SPATC1: variants seen among roughly 807,000 people sequenced by gnomAD.
The protein encoded by SPATC1 is spermatogenesis and centriole associated 1, also known as speriolin.
A neutral mutation model predicts 36.5 loss-of-function variants in SPATC1; 35 were observed. The observed-to-expected ratio is 0.96, with a 90% CI of 0.73 to 1.27. SPATC1 has a LOEUF of 1.27. Ranked by LOEUF, SPATC1 falls within the 50% of genes most tolerant of loss-of-function variation. The pLI is 0.00. For synonymous variants in SPATC1, 361 were observed against 353.6 expected, an observed-to-expected ratio of 1.02 and a Z score of -0.24; for missense variants, 779 against 796.0, an observed-to-expected ratio of 0.98 and a Z score of 0.26.
intron 1 of SPATC1, among the ~76,000 whole-genome samples, chr8:144,035,982 C>T (rs1377781767): frequency 6.6e-6 from 1 of 152,288 alleles, no homozygotes; most frequent in South Asian, 2.1e-4. Context: ...TGCAGCCCAT[C>T]CCTCTGTCTG....
chr8:144,016,864 C>A lies in SPATC1; in HGVS notation c.211+4138C>A, dbSNP rs1834404588. ...GTTGGTCTCATGTCGGCCTCAAACTCCCGACTTCAGGTGATCCGCCCACCT... is the reference window on the plus strand; with the variant it reads ...GTTGGTCTCATGTCGGCCTCAAACTACCGACTTCAGGTGATCCGCCCACCT... On this transcript the variant is annotated intron_variant, in intron 1 of 4. Coordinates refer to ENST00000377470, the MANE Select transcript of SPATC1 (RefSeq NM_198572.3). The surrounding 1 kb of genome is among the most constrained non-coding windows in gnomAD (Gnocchi z 4.5). Among the ~76,000 whole-genome samples, 1 of 152,164 alleles carries A rather than the reference C, an allele frequency of 6.6e-6. No individual in the cohort carries two copies. The highest frequency in any genetic ancestry group is 2.1e-4 in the South Asian group (1 of 4,828).
In SPATC1 at chr8:144,046,689, C is replaced by T. The variant is rs1835271388; in HGVS notation, c.1509C>T (p.Arg503=). 3 of 1,612,488 alleles carry T rather than the reference C, an allele frequency of 1.9e-6. No homozygotes were observed. Among genetic ancestry groups the T allele is most frequent in the Non-Finnish European group, 2.5e-6 (3 of 1,179,968 alleles). The change falls in exon 5 of 5, where the codon CGC becomes CGT. Residue 503 remains arginine (R), a synonymous_variant. Coordinates refer to ENST00000377470, the MANE Select transcript of SPATC1 (RefSeq NM_198572.3). The surrounding 1 kb of genome is among the most constrained non-coding windows in gnomAD (Gnocchi z 6.6). ...DEKLCQRLTQ[R]YVSVMNRLQS... is the part of the protein sequence containing the mutation. Reference sequence around the variant, plus strand: ...AGCTGTGCCAGAGGCTCACACAGCGCTATGTGAGCGTCATGAACAGGCTGC... The same window carrying T: ...AGCTGTGCCAGAGGCTCACACAGCGTTATGTGAGCGTCATGAACAGGCTGC...
rs1564278881 is a variant in SPATC1, at chr8:144,040,743, G to A, written c.942G>A (p.Gln314=). 6.2e-7 allele frequency: 1 copy of A among 1,612,710 alleles called. No individual in the cohort carries two copies. Among genetic ancestry groups the A allele is most frequent in the Non-Finnish European group, 8.5e-7 (1 of 1,179,600 alleles). ...SDTQAQPSAA[Q]EQVVPASVPT... Reference sequence around the variant, plus strand: ...CACAGGCCCAGCCCAGTGCCGCCCAGGAACAAGTGGTCCCTGCATCTGTCC... The same window carrying A: ...CACAGGCCCAGCCCAGTGCCGCCCAAGAACAAGTGGTCCCTGCATCTGTCC... Residue 314 remains glutamine (Q), a synonymous_variant, in exon 3 of 5, where the codon CAG becomes CAA. Coordinates refer to ENST00000377470, the MANE Select transcript of SPATC1 (RefSeq NM_198572.3).
rs1180117581 is a variant in SPATC1, at chr8:144,045,993, G to T, written c.1447-634G>T. On this transcript the variant is annotated intron_variant, in intron 4 of 4. Transcript: ENST00000377470. The surrounding 1 kb of genome is among the most constrained non-coding windows in gnomAD (Gnocchi z 5.2). ...AGTGGAAACTGACCCAGATGTGCTGGTTCCCAGGCCCTGGCCCTGGCCCCA... is the reference window on the plus strand; with the variant it reads ...AGTGGAAACTGACCCAGATGTGCTGTTTCCCAGGCCCTGGCCCTGGCCCCA... 6.6e-6 allele frequency among the ~76,000 whole-genome samples: 1 copy of T among 152,180 alleles called. No homozygotes were observed. The highest frequency in any genetic ancestry group is 1.9e-4 in the East Asian group (1 of 5,182).
rs546423561 is a variant in SPATC1 at position 144,041,113 on chromosome 8, T to A, written c.1306+6T>A. 38 of 1,578,694 alleles carry A rather than the reference T, an allele frequency of 2.4e-5. 1 individual carries two copies. In the South Asian group the frequency reaches 4.4e-4, roughly 18 times the overall value. ...GTTCCCCGAGAACCCCCGAGGTCAG[T>A]GACACTGCGGGCTCCACGCGGGTCG... On this transcript the variant is annotated splice_donor_region_variant and intron_variant, in intron 3 of 4. Transcript: ENST00000377470.
chr8:144,032,129 C>CACCA (rs1834810004), intron 1 of SPATC1, among the ~76,000 whole-genome samples: 1 of 152,014 alleles, frequency 6.6e-6, no homozygotes, highest in Admixed American at 6.6e-5. Flanking sequence ...TCCCAGAGGT[C>CACCA]TCTTAGGCTT....
At position 144,046,770 on chromosome 8, in the gene SPATC1, C is replaced by T. The variant is rs201199683; in HGVS notation, c.1590C>T (p.Asn530=). 2.7e-5 allele frequency: 43 copies of T among 1,611,102 alleles called. No homozygotes were observed. In the African/African-American group the frequency reaches 3.7e-4, roughly 14 times the overall value. The change falls in exon 5 of 5, where the codon AAC becomes AAT. Residue 530 remains asparagine, a synonymous_variant. Transcript: ENST00000377470. The surrounding 1 kb of genome is among the most constrained non-coding windows in gnomAD (Gnocchi z 6.6). ...VHPALTEQLV[N]AYGILRERPE... ...CTGCGCTGACCGAGCAGCTGGTGAA[C>T]GCTTATGGCATCCTGCGAGAGCGCC...
At position 144,041,346 on chromosome 8, in the gene SPATC1, C is replaced by G. The variant is rs1211199594; in HGVS notation, c.1421C>G (p.Ser474Cys). 2 of 1,611,296 alleles carry G rather than the reference C, an allele frequency of 1.2e-6. No individual in the cohort carries two copies. The highest frequency in any genetic ancestry group is 1.7e-6 in the Non-Finnish European group (2 of 1,180,008). Residue 474 changes from serine (S) to cysteine (C), a missense_variant, in exon 4 of 5, where the codon TCC (serine) becomes TGC (cysteine). By Grantham distance (112) the Ser-to-Cys change is moderately radical. Transcript: ENST00000377470. ...ERVRLYGFTV[S>C]NIPEKIIQAS... ...GTACGGCTCTACGGCTTCACTGTCTCCAACATCCCAGAGAAGATCATCCAG... is the reference window on the plus strand; with the variant it reads ...GTACGGCTCTACGGCTTCACTGTCTGCAACATCCCAGAGAAGATCATCCAG...
chr8:144,016,083 A>G lies in SPATC1; in HGVS notation c.211+3357A>G, dbSNP rs534968597. ...CTGTCTCAAAAAAAAAAAAAAGAAA[A>G]AAGAAAGAAAGAAAGAAAAGAAATT... is the stretch of plus-strand genomic sequence containing the variant. On this transcript the variant is annotated intron_variant, in intron 1 of 4. Coordinates refer to ENST00000377470, the MANE Select transcript of SPATC1 (RefSeq NM_198572.3). This position sits in a 1 kb window ranked among gnomAD's most constrained non-coding sequence, Gnocchi z 4.5. Among the ~76,000 whole-genome samples, 27 of 150,604 alleles carry G rather than the reference A, an allele frequency of 1.8e-4. No homozygotes were observed. The South Asian group carries it at 5.3e-3, about 29-fold the overall frequency.
rs781893550 is a variant in SPATC1, at chr8:144,040,939, C to G, written c.1138C>G (p.His380Asp). Residue 380 changes from histidine to aspartate, a missense_variant, in exon 3 of 5, where the codon CAC (histidine) becomes GAC (aspartate). Coordinates refer to ENST00000377470, the MANE Select transcript of SPATC1 (RefSeq NM_198572.3). ...CCCAACCCAGAACCTGCCTGTCCCCCACTGTCCTCCACACAACGCCCACTC... is the reference window on the plus strand; with the variant it reads ...CCCAACCCAGAACCTGCCTGTCCCCGACTGTCCTCCACACAACGCCCACTC... ...NSPTQNLPVP[H>D]CPPHNAHSPP... The G allele has an allele frequency of 1.2e-6, 2 of 1,603,500 alleles. No homozygotes were observed. Among genetic ancestry groups the G allele is most frequent in the African/African-American group, 1.3e-5 (1 of 74,586 alleles).
chr8:144,014,709 G>A (rs546259892), intron 1 of SPATC1, among the ~76,000 whole-genome samples: 39 of 152,154 alleles, frequency 2.6e-4, no homozygotes, highest in Non-Finnish European at 4.7e-4. Flanking sequence ...GGAAAGGAGC[G>A]TGCCACAAGT....
chr8:144,023,131 T>TC (rs1396977981), intron 1 of SPATC1, among the ~76,000 whole-genome samples: 1,940 of 113,744 alleles, frequency 0.017, 43 homozygotes, highest in African/African-American at 0.063. Context: ...CAGGACCCTC[T>TC]CCCCCCAGGA....
chr8:144,041,500 C>A, intron 4 of SPATC1, 129 bp downstream of exon 4: 1 of 1,222,742 alleles, frequency 8.2e-7, no homozygotes, highest in Non-Finnish European at 1.1e-6. Context: ...AAGCTGACTG[C>A]TCAGTGCCAA....
intron 1 of SPATC1, among the ~76,000 whole-genome samples, chr8:144,034,898 G>C (rs1228591782): frequency 6.6e-6 from 1 of 152,076 alleles, no homozygotes; most frequent in Non-Finnish European, 1.5e-5. Context: ...TGGGATTACA[G>C]GTGTGAAACA....
intron 1 of SPATC1, among the ~76,000 whole-genome samples, chr8:144,015,720 G>A (rs1325341513): frequency 3.2e-5 from 4 of 123,708 alleles, no homozygotes; most frequent in South Asian, 5.1e-4. Flanking sequence ...CAGCCTGGGC[G>A]ACTGAGTGAG....
Position 144,046,606 on chromosome 8 carries a change from T to C in SPATC1, c.1447-21T>C, listed in dbSNP as rs782167552. ...TGGAGGTGTGGCAAGGGAGGGTCCC[T>C]GATGGCCGCTGTCCCCACAGGCTTC... On this transcript the variant is annotated intron_variant, in intron 4 of 4. Transcript: ENST00000377470. The surrounding 1 kb of genome is among the most constrained non-coding windows in gnomAD (Gnocchi z 6.6). The C allele has an allele frequency of 3.1e-6, 5 of 1,593,582 alleles. No homozygotes were observed. The highest frequency in any genetic ancestry group is 4.3e-6 in the Non-Finnish European group (5 of 1,172,226).
At chr8:144,023,371 TTTCCCTA>T (rs1834592647) in intron 1 of SPATC1, among the ~76,000 whole-genome samples, 3 of 14,140 alleles carry the variant, frequency 2.1e-4, no homozygotes, top group African/African-American at 2.4e-4. Flanking sequence ...CTCAGAACCC[TTTCCCTA>T]AGGACCCTCT....
chr8:144,037,953 C>T (rs868982598), intron 1 of SPATC1, among the ~76,000 whole-genome samples: 2 of 151,216 alleles, frequency 1.3e-5, no homozygotes, highest in South Asian at 4.2e-4. Flanking sequence ...CACGGTGAAA[C>T]CCTGTCTCTC....
At chr8:144,030,021 T>C (rs1178938888) in intron 1 of SPATC1, among the ~76,000 whole-genome samples, 2 of 152,252 alleles carry the variant, frequency 1.3e-5, no homozygotes, top group African/African-American at 4.8e-5. Flanking sequence ...TTTATTGTAC[T>C]GAAACTTTTA....
Sources: allele counts gnomAD v4.1 joint callset (sites outside exome capture counted in the v4.1 genomes callset), GRCh38; gene constraint gnomAD v4.1.1; non-coding constraint Gnocchi (gnomAD v3.1); transcripts MANE v1.5; gene names NCBI Gene and HGNC (gene_info 2026-07-23, HGNC 2026-07-21).